Variants in PI4KA observed in about 807,000 individuals in gnomAD.
The protein encoded by PI4KA is phosphatidylinositol 4-kinase alpha.
Under a neutral mutation model 271.4 loss-of-function variants are expected in PI4KA, and 122 were observed. The ratio of observed to expected loss-of-function variants is 0.45; its 90% CI spans 0.39 to 0.52. The LOEUF (loss-of-function observed/expected upper bound fraction) is 0.52. PI4KA is among the 20% of genes least tolerant of loss of function. The probability of loss-of-function intolerance (pLI) is 0.00; values close to 1 mark genes in which losing one functional copy is unlikely to be tolerated. For missense variants in PI4KA, 1,969 were observed against 2,769.1 expected, an observed-to-expected ratio of 0.71 and a Z score of 6.48; for synonymous variants, 1,041 against 1,078.8, an observed-to-expected ratio of 0.96 and a Z score of 0.69.
intron 14 of PI4KA, 104 bp downstream of exon 14, chr22:20,801,869 G>C: frequency 1.6e-6 from 2 of 1,275,046 alleles, no homozygotes; most frequent in South Asian, 2.7e-5. Context: ...CTGGGCAACA[G>C]AGCGAGACTC....
chr22:20,834,475 G>T, intron 3 of PI4KA, 87 bp downstream of exon 3: 1 of 816,998 alleles, frequency 1.2e-6, no homozygotes, highest in Non-Finnish European at 2.1e-6. Context: ...TGCATCTGAT[G>T]TGTCAGTATG....
intron 27 of PI4KA, 62 bp from the exon 28 acceptor site, chr22:20,750,056 G>T: frequency 9.4e-7 from 1 of 1,063,414 alleles, no homozygotes; most frequent in South Asian, 1.3e-5. Flanking sequence ...CTGCCGTAGT[G>T]ACTGTCATGG....
At chr22:20,802,229 C>T (rs917514906) in intron 13 of PI4KA, 124 bp from the exon 14 acceptor site, 55 of 725,720 alleles carry the variant, frequency 7.6e-5, no homozygotes, top group South Asian at 6.5e-4. Context: ...ACTCTAAAAA[C>T]ATCTGACCAA....
chr22:20,786,564 C>T (rs1340991754), intron 19 of PI4KA, among the ~76,000 whole-genome samples: 1 of 152,210 alleles, frequency 6.6e-6, no homozygotes, highest in Non-Finnish European at 1.5e-5. Flanking sequence ...GCAGCAGACC[C>T]AGTTCCCCAT....
At chr22:20,752,504 CAA>C (rs1930812049) in intron 25 of PI4KA, among the ~76,000 whole-genome samples, 1 of 152,186 alleles carries the variant, frequency 6.6e-6, no homozygotes, top group Admixed American at 6.5e-5. Flanking sequence ...GCTCCCAGAA[CAA>C]AGAGTATACA....
Position 20,742,220 on chromosome 22 carries a change from G to A in PI4KA, c.3741+8C>T. 6.2e-7 allele frequency: 1 copy of A among 1,613,536 alleles called. No individual in the cohort carries two copies. Among genetic ancestry groups the A allele is most frequent in the Non-Finnish European group, 8.5e-7 (1 of 1,179,702 alleles). The stretch of plus-strand genomic sequence containing the variant: ...ATCCTCACTGCCAACCCGAGGTCAG[G>A]GTCCTACCGGCACTTCCACTCCATC... On this transcript the variant is annotated splice_region_variant and intron_variant, in intron 32 of 54. Transcript: ENST00000255882.
intron 4 of PI4KA, among the ~76,000 whole-genome samples, chr22:20,823,663 G>A (rs1455485014): frequency 6.6e-6 from 1 of 152,174 alleles, no homozygotes; most frequent in Non-Finnish European, 1.5e-5. Flanking sequence ...TTCTAGCTGG[G>A]CACAGTGGCT....
At chr22:20,725,020 C>A in intron 42 of PI4KA, among the ~76,000 whole-genome samples, 1 of 152,198 alleles carries the variant, frequency 6.6e-6, no homozygotes, top group Non-Finnish European at 1.5e-5. Context: ...CTAGTGAGGG[C>A]AGTGAATGAT....
At chr22:20,728,172 CT>C (rs2147230441) in intron 39 of PI4KA, among the ~76,000 whole-genome samples, 1 of 152,256 alleles carries the variant, frequency 6.6e-6, no homozygotes, top group Admixed American at 6.5e-5. Context: ...CCAAGATGTG[CT>C]TATTTCACGT....
chr22:20,759,623 T>C (rs117662569), intron 23 of PI4KA, among the ~76,000 whole-genome samples: 4,487 of 151,844 alleles, frequency 0.03, 90 homozygotes, highest in Middle Eastern at 0.062. Context: ...TGGAGTACAG[T>C]TGCGTGAACT....
At chr22:20,756,222 T>TA (rs747082194) in intron 23 of PI4KA, among the ~76,000 whole-genome samples, 47 of 151,578 alleles carry the variant, frequency 3.1e-4, no homozygotes, top group Non-Finnish European at 5.3e-4. Context: ...TTTTTTTTTT[T>TA]AATTTTTTGA....
rs111401881 is a variant in PI4KA, at chr22:20,773,386, AAAACAAAC to A, written c.2329-7701_2329-7694del. On this transcript the variant is annotated intron_variant, in intron 19 of 54. Coordinates refer to ENST00000255882, the MANE Select transcript of PI4KA (RefSeq NM_058004.4). ...GGGCAGCAGCGCGAAACTCTGTCTC[AAAACAAAC>A]AAACAAACAAACAAACACCCATAAA... Among the ~76,000 whole-genome samples, 329 of 152,198 alleles carry A rather than the reference AAAACAAAC, an allele frequency of 2.2e-3. 1 individual carries two copies. The highest frequency in any genetic ancestry group is 7.9e-3 in the African/African-American group (326 of 41,492).
At chr22:20,791,018 C>T (rs1024131789) in intron 19 of PI4KA, among the ~76,000 whole-genome samples, 10 of 152,230 alleles carry the variant, frequency 6.6e-5, no homozygotes, top group East Asian at 3.9e-4. Context: ...CCCGGAGAGG[C>T]GCAGGCTCAC....
chr22:20,730,975 G>A (rs983413731), intron 36 of PI4KA, among the ~76,000 whole-genome samples: 30 of 151,986 alleles, frequency 2.0e-4, no homozygotes, highest in African/African-American at 7.0e-4. Flanking sequence ...CCAGGAGATC[G>A]AGGCCAGCCT....
At chr22:20,800,817 T>A (rs1446675703) in intron 14 of PI4KA, among the ~76,000 whole-genome samples, 1 of 144,360 alleles carries the variant, frequency 6.9e-6, no homozygotes, top group Admixed American at 6.9e-5. Context: ...GAGCTTGCAG[T>A]GAGCTGAGAT....
chr22:20,710,030 G>C, intron 52 of PI4KA, 33 bp from the exon 53 acceptor site: 1 of 1,381,484 alleles, frequency 7.2e-7, no homozygotes, highest in Non-Finnish European at 1.0e-6. Context: ...GGTGGGCTGA[G>C]GCCAGCCTAG....
At chr22:20,857,102 G>A (rs1457195432) in intron 1 of PI4KA, among the ~76,000 whole-genome samples, 1 of 152,174 alleles carries the variant, frequency 6.6e-6, no homozygotes, top group Non-Finnish European at 1.5e-5. Context: ...TCATACATTA[G>A]GTACCCACGT....
chr22:20,798,433 G>A, intron 17 of PI4KA, 151 bp downstream of exon 17: 1 of 635,050 alleles, frequency 1.6e-6, no homozygotes, highest in South Asian at 1.8e-5. Flanking sequence ...GCCACATTGG[G>A]TTTTCACTTC....
At position 20,834,654 on chromosome 22, in the gene PI4KA, T is replaced by C. The variant is rs1302272580; in HGVS notation, c.275A>G (p.His92Arg). The stretch of plus-strand genomic sequence containing the variant: ...AAGGTAAGGAACCACACAATCTTTG[T>C]GCTAAAAAATAATAAGAAGAATAAT... ...GIFLIESDLQ[H>R]KDCVVPYLLR... The change falls in exon 3 of 55, where the codon CAC (histidine) becomes CGC (arginine). Residue 92 changes from histidine (H) to arginine (R), a missense_variant and splice_region_variant. Physicochemically the swap from His to Arg is conservative, Grantham distance 29. This residue lies in a region of PI4KA where 540 missense variants were observed against 555.5 expected (regional missense o/e 0.97). Coordinates refer to ENST00000255882, the MANE Select transcript of PI4KA (RefSeq NM_058004.4). 1 of 1,577,478 alleles carries C rather than the reference T, an allele frequency of 6.3e-7. No individual in the cohort carries two copies. The highest frequency in any genetic ancestry group is 2.2e-5 in the East Asian group (1 of 44,698).
Sources: allele counts gnomAD v4.1 joint callset (sites outside exome capture counted in the v4.1 genomes callset), GRCh38; gene constraint gnomAD v4.1.1; regional missense constraint gnomAD v4.1.1; transcripts MANE v1.5; gene names NCBI Gene and HGNC (gene_info 2026-07-23, HGNC 2026-07-21).